Variants in SCAP observed in about 807,000 individuals in gnomAD.
SCAP encodes the protein SREBF chaperone, also known as sterol regulatory element-binding protein cleavage-activating protein.
In SCAP, 65 loss-of-function variants were observed where a neutral mutation model predicts 123.6. The ratio of observed to expected loss-of-function variants is 0.53; its 90% confidence interval spans 0.43 to 0.65. The LOEUF is 0.65. Ranked by LOEUF, SCAP falls within the 30% of genes least tolerant of loss-of-function variation. The pLI is 0.00. For synonymous variants in SCAP, 740 were observed against 726.3 expected, an observed-to-expected ratio of 1.02 and a Z score of -0.30; for missense variants, 1,398 against 1,712.5, an observed-to-expected ratio of 0.82 and a Z score of 3.24.
chr3:47,474,180 G>T (rs1708177409), intron 1 of SCAP, among the ~76,000 whole-genome samples: 2 of 151,634 alleles, frequency 1.3e-5, no homozygotes, highest in African/African-American at 4.8e-5. Context: ...CAGGAGAATC[G>T]CTTGAACCCG....
At chr3:47,415,735 C>T (rs899111440) in intron 18 of SCAP, among the ~76,000 whole-genome samples, 1 of 152,300 alleles carries the variant, frequency 6.6e-6, no homozygotes, top group African/African-American at 2.4e-5. Context: ...AACCCCAAAG[C>T]CTCAAAGCAG....
Position 47,419,511 on chromosome 3 carries a change from T to A in SCAP, c.1757A>T (p.Lys586Met). 3.1e-6 allele frequency: 5 copies of A among 1,613,936 alleles called. No homozygotes were observed. The highest frequency in any genetic ancestry group is 4.2e-6 in the Non-Finnish European group (5 of 1,179,976). The change falls in exon 13 of 23, where the codon AAG (lysine) becomes ATG (methionine). Residue 586 changes from lysine (K) to methionine (M), a missense_variant. This residue lies in a region of SCAP where 828 missense variants were observed against 882.5 expected (regional missense o/e 0.94). Coordinates refer to ENST00000265565, the MANE Select transcript of SCAP (RefSeq NM_012235.4). The surrounding 1 kb of genome is among the most constrained non-coding windows in gnomAD (Gnocchi z 5.0). ...AFSIFPPDAP[K>M]LPENQTSPGE... Reference sequence around the variant, plus strand: ...TGGCGACGTCTGGTTCTCAGGTAGCTTAGGGGCATCAGGTGGGAAGATGGA... The same window carrying A: ...TGGCGACGTCTGGTTCTCAGGTAGCATAGGGGCATCAGGTGGGAAGATGGA...
At chr3:47,446,198 G>A (rs1389642020) in intron 1 of SCAP, among the ~76,000 whole-genome samples, 2 of 142,258 alleles carry the variant, frequency 1.4e-5, no homozygotes, top group African/African-American at 5.3e-5. Flanking sequence ...TTTTGAGATG[G>A]AGTCTCGCTC....
In SCAP at chr3:47,417,846, A is replaced by AGTGAGAGGGGGCACGTGGGAGGGGG; in HGVS notation, c.2448-21_2448-20insCCCCCTCCCACGTGCCCCCTCTCAC. On this transcript the variant is annotated intron_variant, in intron 16 of 22. Coordinates refer to ENST00000265565, the MANE Select transcript of SCAP (RefSeq NM_012235.4). Reference sequence around the variant, plus strand: ...TGCCTGCTGGGGGCCAGGAGGGCGGAGTGAGAGGGGGCACGGGGGAGGGGG... The same window carrying AGTGAGAGGGGGCACGTGGGAGGGGG: ...TGCCTGCTGGGGGCCAGGAGGGCGGAGTGAGAGGGGGCACGTGGGAGGGGGGTGAGAGGGGGCACGGGGGAGGGGG... 1 of 1,082,792 alleles carries AGTGAGAGGGGGCACGTGGGAGGGGG rather than the reference A, an allele frequency of 9.2e-7. No individual in the cohort carries two copies. The highest frequency in any genetic ancestry group is 1.2e-6 in the Non-Finnish European group (1 of 869,168). 67.1% of individuals were successfully genotyped at this position (1,082,792 alleles called of 1,614,324 possible).
chr3:47,474,064 G>A (rs1396733505), intron 1 of SCAP, among the ~76,000 whole-genome samples: 1 of 152,032 alleles, frequency 6.6e-6, no homozygotes, highest in Non-Finnish European at 1.5e-5. Flanking sequence ...AGGAGATAGA[G>A]ACGATCCTGG....
rs764875284 is a variant in SCAP, at chr3:47,443,044, C to T, written c.-51G>A. Reference sequence around the variant, plus strand: ...ATCCCGGAAAGTGACCATGGATCACCCTGGCACACACTTGACAGCACTGAC... The same window carrying T: ...ATCCCGGAAAGTGACCATGGATCACTCTGGCACACACTTGACAGCACTGAC... On this transcript the variant is annotated 5_prime_UTR_variant, in exon 2 of 23. Coordinates refer to ENST00000265565, the MANE Select transcript of SCAP (RefSeq NM_012235.4). 4 of 1,610,878 alleles carry T rather than the reference C, an allele frequency of 2.5e-6. No individual in the cohort carries two copies. In the East Asian group the frequency reaches 8.9e-5, roughly 36 times the overall value.
intron 1 of SCAP, among the ~76,000 whole-genome samples, chr3:47,459,757 C>A (rs576666008): frequency 6.6e-6 from 1 of 152,262 alleles, no homozygotes; most frequent in East Asian, 1.9e-4. Context: ...TTCAGCTGTG[C>A]ACGTATTGTC....
chr3:47,414,439 A>G, intron 21 of SCAP, 53 bp from the exon 22 acceptor site: 1 of 1,606,354 alleles, frequency 6.2e-7, no homozygotes. Flanking sequence ...ACCTCTGTCA[A>G]CAGTGGTGTC....
intron 1 of SCAP, among the ~76,000 whole-genome samples, chr3:47,444,316 C>G (rs754627886): frequency 1.2e-4 from 18 of 152,076 alleles, no homozygotes; most frequent in Non-Finnish European, 2.4e-4. Context: ...TGATGAAAAC[C>G]CAGACTCAAA....
chr3:47,416,281 C>T (rs1397973900), intron 18 of SCAP, among the ~76,000 whole-genome samples: 2 of 152,314 alleles, frequency 1.3e-5, no homozygotes, highest in Middle Eastern at 3.4e-3. Context: ...ACCCAGGTGG[C>T]TGAGACTCCC....
At chr3:47,416,504 T>C (rs879844883) in intron 18 of SCAP, among the ~76,000 whole-genome samples, 93 of 152,038 alleles carry the variant, frequency 6.1e-4, no homozygotes, top group Non-Finnish European at 3.1e-4. Context: ...ACTGGCTTCA[T>C]TGAGAAGGGC....
chr3:47,439,905 T>A lies in SCAP; in HGVS notation c.122+2967A>T, dbSNP rs919603088. On this transcript the variant is annotated intron_variant, in intron 2 of 22. Transcript: ENST00000265565. This position sits in a 1 kb window ranked among gnomAD's most constrained non-coding sequence, Gnocchi z 4.0. ...GCAGCTCAGAGAAGAAAGTCACACA[T>A]CCTCAGTGCTGTTTGGGGTGAGCCT... Among the ~76,000 whole-genome samples the A allele has an allele frequency of 1.3e-5, 2 of 152,126 alleles. No individual in the cohort carries two copies. The highest frequency in any genetic ancestry group is 6.5e-5 in the Admixed American group (1 of 15,270).
intron 1 of SCAP, among the ~76,000 whole-genome samples, chr3:47,463,839 GTTTT>G (rs1160472573): frequency 6.6e-6 from 1 of 151,970 alleles, no homozygotes; most frequent in Non-Finnish European, 1.5e-5. Context: ...AAGTTTTTTG[GTTTT>G]TTGTTTTATT....
chr3:47,432,548 A>G (rs1706408444), intron 3 of SCAP, among the ~76,000 whole-genome samples: 2 of 152,192 alleles, frequency 1.3e-5, no homozygotes, highest in Admixed American at 1.3e-4. Context: ...CGCGTATGCA[A>G]TAAACGAGTG....
In SCAP at chr3:47,445,634, C is replaced by T. The variant is rs973519386; in HGVS notation, c.-98-2543G>A. Among the ~76,000 whole-genome samples, 6 of 152,070 alleles carry T rather than the reference C, an allele frequency of 3.9e-5. No homozygotes were observed. The South Asian group carries it at 1.2e-3, about 31-fold the overall frequency. ...TCGCCCAGGCTGGAGTGCAGCAGCGCGATCTCAGCTCACTGTAAACTCCGC... is the reference window on the plus strand; with the variant it reads ...TCGCCCAGGCTGGAGTGCAGCAGCGTGATCTCAGCTCACTGTAAACTCCGC... On this transcript the variant is annotated intron_variant, in intron 1 of 22. Transcript: ENST00000265565.
intron 10 of SCAP, 194 bp from the exon 11 acceptor site, chr3:47,421,223 G>A (rs1292435063): frequency 4.9e-6 from 3 of 614,818 alleles, no homozygotes; most frequent in South Asian, 1.9e-5. Flanking sequence ...CCAGGGGGCA[G>A]AAGAAACCCT....
At chr3:47,465,168 CTTT>C (rs796601479) in intron 1 of SCAP, among the ~76,000 whole-genome samples, 12 of 145,858 alleles carry the variant, frequency 8.2e-5, no homozygotes, top group Non-Finnish European at 1.4e-4. Context: ...AGATGATATT[CTTT>C]TTTTTTTTTC....
At chr3:47,435,269 C>T in intron 2 of SCAP, 132 bp from the exon 3 acceptor site, 1 of 1,007,542 alleles carries the variant, frequency 9.9e-7, no homozygotes, top group Non-Finnish European at 1.4e-6. Context: ...ATATTAGAAT[C>T]ACAAAATTGC....
rs774067106 is a variant in SCAP, at chr3:47,417,673, G to A, written c.2601C>T (p.Phe867=). Residue 867 remains phenylalanine, a synonymous_variant, in exon 17 of 23, where the codon TTC becomes TTT. Transcript: ENST00000265565. ...RPRGPPPPSL[F]GDQPDLTCLI... is the part of the protein sequence containing the mutation. ...AGCAGGTGAGGTCAGGCTGGTCCCCGAAGAGGGAAGGCGGCGGAGGGCCCC... is the reference window on the plus strand; with the variant it reads ...AGCAGGTGAGGTCAGGCTGGTCCCCAAAGAGGGAAGGCGGCGGAGGGCCCC... 15 of 1,609,184 alleles carry A rather than the reference G, an allele frequency of 9.3e-6. No homozygotes were observed. Among genetic ancestry groups the A allele is most frequent in the Admixed American group, 6.7e-5 (4 of 59,700 alleles).
Sources: allele counts gnomAD v4.1 joint callset (sites outside exome capture counted in the v4.1 genomes callset), GRCh38; gene constraint gnomAD v4.1.1; regional missense constraint gnomAD v4.1.1; non-coding constraint Gnocchi (gnomAD v3.1); transcripts MANE v1.5; gene names NCBI Gene and HGNC (gene_info 2026-07-23, HGNC 2026-07-21).